The following UBE2H variants were observed in gnomAD, a reference collection of about 807,000 sequenced individuals.
The protein encoded by UBE2H is ubiquitin conjugating enzyme E2 H.
A neutral mutation model predicts 29.0 loss-of-function variants in UBE2H; 3 were observed. That is an observed-to-expected ratio of 0.10 (90% CI 0.05 to 0.27). The LOEUF (loss-of-function observed/expected upper bound fraction) is 0.27, where lower values mean the gene tolerates loss of function less well. Among genes scored for constraint, UBE2H ranks in the 10% least tolerant of loss-of-function variants. The probability of loss-of-function intolerance (pLI) is 1.00; values close to 1 mark genes in which losing one functional copy is unlikely to be tolerated. For missense variants in UBE2H, 68 were observed against 228.2 expected (o/e 0.30, Z 4.52); for synonymous variants, 69 against 82.9 (o/e 0.83, Z 0.91).
At chr7:129,867,168 A>G (rs1805921051) in intron 3 of UBE2H, among the ~76,000 whole-genome samples, 1 of 152,164 alleles carries the variant, frequency 6.6e-6, no homozygotes, top group African/African-American at 2.4e-5. Context: ...AATATTTATT[A>G]TTTGTGTGAC....
At chr7:129,879,520 C>T (rs776040468) in intron 3 of UBE2H, 48 bp downstream of exon 3, 1 of 1,537,440 alleles carries the variant, frequency 6.5e-7, no homozygotes, top group South Asian at 1.2e-5. Context: ...GATTTTTCCC[C>T]CTTAGATTTC....
intron 1 of UBE2H, among the ~76,000 whole-genome samples, chr7:129,901,829 A>C (rs1487575415): frequency 1.3e-5 from 2 of 152,066 alleles, no homozygotes; most frequent in Non-Finnish European, 2.9e-5. Flanking sequence ...TCTTGACCTC[A>C]AGTAATCCAC....
intron 3 of UBE2H, among the ~76,000 whole-genome samples, chr7:129,875,760 C>T (rs2116360467): frequency 6.6e-6 from 1 of 152,274 alleles, no homozygotes; most frequent in Admixed American, 6.5e-5. Context: ...CACACTGTAA[C>T]TGCAAGTCTG....
intron 1 of UBE2H, among the ~76,000 whole-genome samples, chr7:129,887,681 C>T (rs528413296): frequency 7.5e-6 from 1 of 133,800 alleles, no homozygotes; most frequent in East Asian, 2.1e-4. Flanking sequence ...GCTCACACCT[C>T]CTGAGGTCGG....
At chr7:129,878,216 C>T (rs1445491885) in intron 3 of UBE2H, among the ~76,000 whole-genome samples, 2 of 152,098 alleles carry the variant, frequency 1.3e-5, no homozygotes, top group Non-Finnish European at 1.5e-5. Context: ...CAGATGTGCT[C>T]GGGGGCTGTC....
chr7:129,885,543 T>C (rs920084899), intron 1 of UBE2H, among the ~76,000 whole-genome samples: 3 of 152,350 alleles, frequency 2.0e-5, no homozygotes, highest in Middle Eastern at 6.8e-3. Context: ...GTGTATTTTA[T>C]AAAGAAGATC....
At chr7:129,840,224 T>C (rs140215781) in intron 5 of UBE2H, among the ~76,000 whole-genome samples, 1 of 152,332 alleles carries the variant, frequency 6.6e-6, no homozygotes, top group Non-Finnish European at 1.5e-5. Flanking sequence ...CTCACTCTGT[T>C]GCCCAAGTTG....
chr7:129,849,859 A>G (rs987098221), intron 5 of UBE2H, among the ~76,000 whole-genome samples: 2 of 152,352 alleles, frequency 1.3e-5, no homozygotes. Flanking sequence ...AGAGGGTCTC[A>G]TGTGTGGAGA....
chr7:129,887,347 G>A (rs1430815432), intron 1 of UBE2H, among the ~76,000 whole-genome samples: 11 of 150,636 alleles, frequency 7.3e-5, no homozygotes, highest in African/African-American at 2.4e-4. Flanking sequence ...TCAGTCTCCC[G>A]AGTAGCTGGG....
intron 1 of UBE2H, among the ~76,000 whole-genome samples, chr7:129,883,464 A>C (rs1563033294): frequency 6.6e-6 from 1 of 152,260 alleles, no homozygotes; most frequent in African/African-American, 2.4e-5. Context: ...AACATCCAAA[A>C]ATTAGAGACA....
intron 1 of UBE2H, among the ~76,000 whole-genome samples, chr7:129,901,391 A>G (rs1563040065): frequency 6.6e-6 from 1 of 152,118 alleles, no homozygotes; most frequent in Non-Finnish European, 1.5e-5. Context: ...CTGATGAGGA[A>G]GGTGACCAAC....
intron 1 of UBE2H, among the ~76,000 whole-genome samples, chr7:129,886,781 A>ATTTTTTTGGT (rs1806371766): frequency 6.6e-6 from 1 of 150,432 alleles, no homozygotes; most frequent in South Asian, 2.1e-4. Flanking sequence ...AAAAAAAAAA[A>ATTTTTTTGGT]AAAAAAAAAA....
chr7:129,950,281 C>T (rs552714751), intron 1 of UBE2H, among the ~76,000 whole-genome samples: 62 of 152,244 alleles, frequency 4.1e-4, no homozygotes, highest in African/African-American at 1.3e-3. Flanking sequence ...TTTAAAGCGC[C>T]TCTGCTTTCT....
At chr7:129,893,858 A>G (rs1285788666) in intron 1 of UBE2H, among the ~76,000 whole-genome samples, 1 of 152,246 alleles carries the variant, frequency 6.6e-6, no homozygotes, top group Admixed American at 6.5e-5. Context: ...CTAAAGGGTT[A>G]ATCAAAAGCC....
chr7:129,856,503 A>T (rs1805707555), intron 5 of UBE2H, among the ~76,000 whole-genome samples: 1 of 152,162 alleles, frequency 6.6e-6, no homozygotes, highest in African/African-American at 2.4e-5. Flanking sequence ...CACAGTAGAA[A>T]GTAAAAGTGG....
chr7:129,844,673 T>G (rs1805482255), intron 5 of UBE2H, among the ~76,000 whole-genome samples: 1 of 152,142 alleles, frequency 6.6e-6, no homozygotes, highest in Non-Finnish European at 1.5e-5. Context: ...GATTCCTGAG[T>G]ATATGGTTTA....
At chr7:129,924,093 T>C (rs1023311668) in intron 1 of UBE2H, among the ~76,000 whole-genome samples, 2 of 152,222 alleles carry the variant, frequency 1.3e-5, no homozygotes, top group African/African-American at 4.8e-5. Flanking sequence ...ACCTTCAGGA[T>C]GGGCATGGTG....
At chr7:129,840,897 T>C (rs933462036) in intron 5 of UBE2H, among the ~76,000 whole-genome samples, 4 of 152,216 alleles carry the variant, frequency 2.6e-5, no homozygotes, top group African/African-American at 9.6e-5. Flanking sequence ...TTGCTTGAGA[T>C]TTGTGGTTCT....
chr7:129,885,031 CA>C (rs1169148289), intron 1 of UBE2H, among the ~76,000 whole-genome samples: 2 of 151,654 alleles, frequency 1.3e-5, no homozygotes, highest in Non-Finnish European at 2.9e-5. Flanking sequence ...TGTGCCACTC[CA>C]CTCCAGCCTG....
Sources: gnomAD v4.1 joint callset for allele counts (sites outside exome capture counted in the v4.1 genomes callset) on GRCh38, gnomAD v4.1.1 for gene constraint, MANE v1.5 for transcripts, NCBI Gene and HGNC (gene_info 2026-07-23, HGNC 2026-07-21) for gene names.